The following AGBL4 variants were observed in gnomAD, a reference collection of about 807,000 sequenced individuals.
The protein encoded by AGBL4 is cytosolic carboxypeptidase 6.
In AGBL4, 58 loss-of-function variants were observed where a neutral mutation model predicts 66.4. That is an observed-to-expected ratio of 0.87 (90% confidence interval 0.71 to 1.09). AGBL4 has a LOEUF of 1.09. Ranked by LOEUF, AGBL4 falls within the 50% of genes least tolerant of loss-of-function variation. The pLI, the probability that AGBL4 is intolerant of heterozygous loss-of-function variation, is 0.00. For missense variants in AGBL4, 579 were observed against 631.0 expected, an observed-to-expected ratio of 0.92 and a Z score of 0.88; for synonymous variants, 234 against 222.9, an observed-to-expected ratio of 1.05 and a Z score of -0.44.
At chr1:50,019,306 T>TCTCTCACACACACACA (rs1167835143) in intron 1 of AGBL4, among the ~76,000 whole-genome samples, 1,911 of 48,322 alleles carry the variant, frequency 0.04, 72 homozygotes, top group East Asian at 0.083. Context: ...TCTCTCTCTC[T>TCTCTCACACACACACA]CACACACACA....
At chr1:49,019,694 G>C (rs1663094447) in intron 5 of AGBL4, among the ~76,000 whole-genome samples, 1 of 152,228 alleles carries the variant, frequency 6.6e-6, no homozygotes, top group African/African-American at 2.4e-5. Flanking sequence ...GTAACATGCT[G>C]TTAAATTATA....
In AGBL4 at chr1:49,408,781, T is replaced by A. The variant is rs12043177; in HGVS notation, c.283-162917A>T. 7.0e-4 allele frequency among the ~76,000 whole-genome samples: 106 copies of A among 152,308 alleles called. 2 individuals carry two copies. The East Asian group carries it at 0.019, about 27-fold the overall frequency. On this transcript the variant is annotated intron_variant, in intron 3 of 13. Coordinates refer to ENST00000371839, the MANE Select transcript of AGBL4 (RefSeq NM_032785.4). ...CTGAAGGCTACACTGTCAGCTTCCCTAATTTTAAGGTTTTGGGACACAGAT... is the reference window on the plus strand; with the variant it reads ...CTGAAGGCTACACTGTCAGCTTCCCAAATTTTAAGGTTTTGGGACACAGAT...
intron 3 of AGBL4, among the ~76,000 whole-genome samples, chr1:49,262,083 G>A (rs1653235191): frequency 1.3e-5 from 2 of 151,978 alleles, no homozygotes; most frequent in Non-Finnish European, 2.9e-5. Flanking sequence ...TTAATAAATG[G>A]TGCTGGGAAA....
chr1:48,657,251 T>C (rs1646035392), intron 7 of AGBL4, among the ~76,000 whole-genome samples: 1 of 152,224 alleles, frequency 6.6e-6, no homozygotes, highest in African/African-American at 2.4e-5. Flanking sequence ...TGAGTTGATA[T>C]AAGCAAAGTG....
chr1:49,007,463 A>G (rs1355382344), intron 5 of AGBL4, among the ~76,000 whole-genome samples: 70 of 149,582 alleles, frequency 4.7e-4, no homozygotes, highest in African/African-American at 1.5e-3. Flanking sequence ...GCAGGATATT[A>G]TCCAGGAGAA....
intron 3 of AGBL4, among the ~76,000 whole-genome samples, chr1:49,352,517 T>C (rs1166173447): frequency 2.0e-5 from 3 of 151,898 alleles, no homozygotes; most frequent in African/African-American, 7.3e-5. Flanking sequence ...TCCCAGCAGT[T>C]TTAAAGGCCC....
At chr1:49,681,958 T>C (rs1371715070) in intron 3 of AGBL4, among the ~76,000 whole-genome samples, 1 of 152,206 alleles carries the variant, frequency 6.6e-6, no homozygotes, top group Non-Finnish European at 1.5e-5. Context: ...TAAGCTGCAA[T>C]TTTATTTAAA....
intron 4 of AGBL4, among the ~76,000 whole-genome samples, chr1:49,229,020 A>G (rs1302014382): frequency 6.6e-6 from 1 of 152,172 alleles, no homozygotes; most frequent in Non-Finnish European, 1.5e-5. Context: ...ATTATTTTCC[A>G]AACACACCAT....
chr1:49,823,538 G>A (rs1316203596), intron 2 of AGBL4, among the ~76,000 whole-genome samples: 1 of 152,142 alleles, frequency 6.6e-6, no homozygotes, highest in Admixed American at 6.6e-5. Context: ...TTGAGGCACA[G>A]CAGGTTTGAA....
chr1:49,586,655 T>G (rs902497292), intron 3 of AGBL4, among the ~76,000 whole-genome samples: 1 of 137,358 alleles, frequency 7.3e-6, no homozygotes, highest in African/African-American at 2.5e-5. Context: ...AGAGACTGAC[T>G]GACTGACTGA....
At position 48,677,904 on chromosome 1, in the gene AGBL4, G is replaced by A. The variant is rs72902804; in HGVS notation, c.635-14663C>T. On this transcript the variant is annotated intron_variant, in intron 6 of 13. Coordinates refer to ENST00000371839, the MANE Select transcript of AGBL4 (RefSeq NM_032785.4). ...CGGATTTCTGGAAAGAAGGGGCAAA[G>A]CTCATTGTTAGAGAGCTGGTCCACA... 6.3e-3 allele frequency among the ~76,000 whole-genome samples: 953 copies of A among 152,340 alleles called. 9 individuals carry two copies. Among genetic ancestry groups the A allele is most frequent in the African/African-American group, 0.022 (913 of 41,576 alleles).
At chr1:48,558,708 T>C (rs1644356450) in intron 11 of AGBL4, among the ~76,000 whole-genome samples, 1 of 152,170 alleles carries the variant, frequency 6.6e-6, no homozygotes, top group Non-Finnish European at 1.5e-5. Flanking sequence ...TGCTGAGCGG[T>C]TGAGGACAGA....
intron 6 of AGBL4, among the ~76,000 whole-genome samples, chr1:48,862,108 A>C (rs2148819171): frequency 6.6e-6 from 1 of 152,286 alleles, no homozygotes; most frequent in East Asian, 1.9e-4. Flanking sequence ...CAGTTGATTC[A>C]TAACTCAAAG....
chr1:48,869,928 C>T (rs1648484495), intron 5 of AGBL4, among the ~76,000 whole-genome samples: 3 of 152,136 alleles, frequency 2.0e-5, no homozygotes, highest in African/African-American at 7.2e-5. Flanking sequence ...GTACATGTCA[C>T]AGAGTACCCC....
At chr1:48,537,134 A>C (rs1192964152) in intron 12 of AGBL4, among the ~76,000 whole-genome samples, 1 of 152,232 alleles carries the variant, frequency 6.6e-6, no homozygotes, top group African/African-American at 2.4e-5. Context: ...AATACAAAAA[A>C]GGGGAAGTAT....
intron 3 of AGBL4, among the ~76,000 whole-genome samples, chr1:49,433,451 G>A (rs528954468): frequency 6.6e-6 from 1 of 152,242 alleles, no homozygotes; most frequent in Admixed American, 6.5e-5. Context: ...GGTGTGTGGG[G>A]AAATACATAT....
At chr1:48,631,751 G>A (rs901590923) in intron 9 of AGBL4, among the ~76,000 whole-genome samples, 2 of 152,050 alleles carry the variant, frequency 1.3e-5, no homozygotes, top group African/African-American at 2.4e-5. Flanking sequence ...GAACAATTTC[G>A]GGAGTGAAAA....
chr1:49,373,741 T>A (rs1468248374), intron 3 of AGBL4, among the ~76,000 whole-genome samples: 4 of 152,112 alleles, frequency 2.6e-5, no homozygotes, highest in Non-Finnish European at 5.9e-5. Flanking sequence ...CAATTCTGTC[T>A]GACTCCAAAG....
At chr1:49,018,316 C>A (rs527845919) in intron 5 of AGBL4, among the ~76,000 whole-genome samples, 1 of 152,206 alleles carries the variant, frequency 6.6e-6, no homozygotes, top group African/African-American at 2.4e-5. Context: ...TGGAGGTGAG[C>A]CCCAAACCCT....
Sources: allele counts gnomAD v4.1 joint callset (sites outside exome capture counted in the v4.1 genomes callset), GRCh38; gene constraint gnomAD v4.1.1; transcripts MANE v1.5; gene names NCBI Gene and HGNC (gene_info 2026-07-23, HGNC 2026-07-21).